THSD7A: variants seen among roughly 807,000 people sequenced by gnomAD.
THSD7A encodes thrombospondin type-1 domain-containing protein 7A.
Under a neutral mutation model 231.3 loss-of-function variants are expected in THSD7A, and 96 were observed. That is an observed-to-expected ratio of 0.41 (90% confidence interval 0.35 to 0.49). THSD7A has a LOEUF of 0.49. Ranked by LOEUF, THSD7A falls within the 20% of genes least tolerant of loss-of-function variation. The pLI, the probability that THSD7A is intolerant of heterozygous loss-of-function variation, is 0.05. For synonymous variants in THSD7A, 940 were observed against 743.3 expected (o/e 1.26, Z -4.30); for missense variants, 2,290 against 2,070.2 (o/e 1.11, Z -2.06).
chr7:11,572,551 C>T (rs1156461807), intron 4 of THSD7A, among the ~76,000 whole-genome samples: 1 of 152,118 alleles, frequency 6.6e-6, no homozygotes, highest in Non-Finnish European at 1.5e-5. Context: ...ACTTGCTGCC[C>T]AGGCTGCAGT....
chr7:11,584,141 C>G (rs1245686194), intron 4 of THSD7A, among the ~76,000 whole-genome samples: 1 of 152,156 alleles, frequency 6.6e-6, no homozygotes, highest in Non-Finnish European at 1.5e-5. Flanking sequence ...TTTCCTGTAC[C>G]ATCCCCACCC....
intron 19 of THSD7A, among the ~76,000 whole-genome samples, chr7:11,409,854 T>C (rs1039208541): frequency 1.3e-5 from 2 of 152,262 alleles, no homozygotes; most frequent in Admixed American, 6.5e-5. Flanking sequence ...GCGATTCTCC[T>C]GCCTTAGCCT....
In THSD7A at chr7:11,371,913, A is replaced by T. The variant is rs1485602862; in HGVS notation, c.*3881T>A. The T allele has an allele frequency of 1.3e-5, 2 of 151,896 alleles. No homozygotes were observed. Among genetic ancestry groups the T allele is most frequent in the East Asian group, 3.9e-4 (2 of 5,152 alleles). 9.4% of individuals were successfully genotyped at this position (151,896 alleles called of 1,614,324 possible). On this transcript the variant is annotated 3_prime_UTR_variant, in exon 28 of 28. Transcript: ENST00000423059. ...GAATTCTTTTTTTTTTAATTAAAAA[A>T]TTGGGCATGTTTAGTGGGAAGTAGG...
chr7:11,509,438 T>C (rs1028982393), intron 6 of THSD7A, among the ~76,000 whole-genome samples: 1 of 152,196 alleles, frequency 6.6e-6, no homozygotes, highest in Non-Finnish European at 1.5e-5. Context: ...AGAAATGTAT[T>C]GAACCCAAAT....
intron 1 of THSD7A, among the ~76,000 whole-genome samples, chr7:11,700,844 T>G (rs1305249384): frequency 6.7e-6 from 1 of 149,462 alleles, no homozygotes; most frequent in Non-Finnish European, 1.5e-5. Flanking sequence ...TCCATGTAAT[T>G]CCAGCTTCAT....
chr7:11,760,212 T>A (rs974809413), intron 1 of THSD7A, among the ~76,000 whole-genome samples: 1 of 152,034 alleles, frequency 6.6e-6, no homozygotes, highest in African/African-American at 2.4e-5. Flanking sequence ...ATTCAAAAAT[T>A]AATGGAATGA....
chr7:11,824,530 G>C (rs918777751), intron 1 of THSD7A, among the ~76,000 whole-genome samples: 1 of 152,016 alleles, frequency 6.6e-6, no homozygotes, highest in Non-Finnish European at 1.5e-5. Flanking sequence ...CTATGATTGA[G>C]GGCTGCCATC....
At chr7:11,827,715 A>C (rs1028306003) in intron 1 of THSD7A, among the ~76,000 whole-genome samples, 4 of 152,122 alleles carry the variant, frequency 2.6e-5, no homozygotes, top group African/African-American at 4.8e-5. Context: ...TCTTCAGCCT[A>C]ACTCCTTCTC....
At chr7:11,582,916 TG>T (rs1791227814) in intron 4 of THSD7A, among the ~76,000 whole-genome samples, 1 of 144,578 alleles carries the variant, frequency 6.9e-6, no homozygotes, top group Admixed American at 6.9e-5. Context: ...TTCCTAATTC[TG>T]TATATCTGTG....
chr7:11,536,603 T>C (rs1461935177), intron 6 of THSD7A, among the ~76,000 whole-genome samples: 1 of 152,206 alleles, frequency 6.6e-6, no homozygotes, highest in Non-Finnish European at 1.5e-5. Flanking sequence ...ATCCTCCTAG[T>C]GAATCACTAA....
chr7:11,560,080 C>T (rs1226491383), intron 4 of THSD7A, among the ~76,000 whole-genome samples: 2 of 152,060 alleles, frequency 1.3e-5, no homozygotes, highest in Non-Finnish European at 2.9e-5. Flanking sequence ...CAAAACTATA[C>T]AGAGGTGGAA....
chr7:11,816,540 T>C (rs968351745), intron 1 of THSD7A, among the ~76,000 whole-genome samples: 3 of 152,168 alleles, frequency 2.0e-5, no homozygotes, highest in African/African-American at 7.2e-5. Context: ...GAAAACATTG[T>C]ACAGGCACCA....
chr7:11,475,440 G>C (rs987253935), intron 7 of THSD7A, among the ~76,000 whole-genome samples: 7 of 151,898 alleles, frequency 4.6e-5, no homozygotes, highest in African/African-American at 1.7e-4. Context: ...TGAAGCCTGC[G>C]TAAGTCCTGT....
At chr7:11,555,391 T>C (rs1486469789) in intron 4 of THSD7A, among the ~76,000 whole-genome samples, 1 of 151,978 alleles carries the variant, frequency 6.6e-6, no homozygotes, top group Non-Finnish European at 1.5e-5. Context: ...TTTACTCCTA[T>C]CTTTTTTGAT....
At chr7:11,418,661 C>A (rs567233411) in intron 16 of THSD7A, among the ~76,000 whole-genome samples, 1 of 152,306 alleles carries the variant, frequency 6.6e-6, no homozygotes, top group South Asian at 2.1e-4. Context: ...CAGGGACATT[C>A]ACAAATCTCC....
At chr7:11,438,530 C>G (rs1784703071) in intron 13 of THSD7A, among the ~76,000 whole-genome samples, 1 of 151,920 alleles carries the variant, frequency 6.6e-6, no homozygotes, top group African/African-American at 2.4e-5. Context: ...ATATCATTCA[C>G]AAGCATACTA....
At chr7:11,391,948 G>A (rs1782999199) in intron 23 of THSD7A, among the ~76,000 whole-genome samples, 1 of 152,104 alleles carries the variant, frequency 6.6e-6, no homozygotes, top group Non-Finnish European at 1.5e-5. Flanking sequence ...GAGTCCCAAT[G>A]AAATGAATTG....
At chr7:11,417,677 T>A in intron 16 of THSD7A, 74 bp from the exon 17 acceptor site, 1 of 1,475,036 alleles carries the variant, frequency 6.8e-7, no homozygotes, top group South Asian at 1.4e-5. Context: ...ACAATTAGAA[T>A]GACCAACCCA....
intron 1 of THSD7A, among the ~76,000 whole-genome samples, chr7:11,743,154 C>T (rs147321518): frequency 1.7e-4 from 26 of 151,926 alleles, no homozygotes; most frequent in Non-Finnish European, 3.2e-4. Context: ...TTAACATTTA[C>T]GAACACATAC....
Sources: allele counts gnomAD v4.1 joint callset (sites outside exome capture counted in the v4.1 genomes callset), GRCh38; gene constraint gnomAD v4.1.1; transcripts MANE v1.5; gene names NCBI Gene and HGNC (gene_info 2026-07-23, HGNC 2026-07-21).